Variants in KIAA1671 observed in about 807,000 individuals in gnomAD.
KIAA1671 encodes the protein KIAA1671.
Under a neutral mutation model 131.2 loss-of-function variants are expected in KIAA1671, and 52 were observed. That is an observed-to-expected ratio of 0.40 (90% confidence interval 0.32 to 0.50). KIAA1671 has a LOEUF of 0.50. Ranked by LOEUF, KIAA1671 falls within the 20% of genes least tolerant of loss-of-function variation. The pLI is 0.73. For synonymous variants in KIAA1671, 1,003 were observed against 961.6 expected (o/e 1.04, Z -0.80); for missense variants, 2,360 against 2,364.2 (o/e 1.00, Z 0.04).
intron 6 of KIAA1671, among the ~76,000 whole-genome samples, chr22:25,093,788 C>CTCTCTGTCTCTCTCTCTT (rs1568951294): frequency 1.1e-4 from 10 of 94,656 alleles, no homozygotes; most frequent in African/African-American, 1.9e-4. Flanking sequence ...CTCTCTCTCT[C>CTCTCTGTCTCTCTCTCTT]TCTCTCTCTC....
intron 1 of KIAA1671, among the ~76,000 whole-genome samples, chr22:25,016,371 C>T (rs1460594854): frequency 1.3e-5 from 2 of 152,296 alleles, no homozygotes; most frequent in African/African-American, 4.8e-5. Context: ...TCTCACAATC[C>T]AGAAAGTTGT....
In KIAA1671 at chr22:24,995,261, C is replaced by T. The variant is rs545892821; in HGVS notation, c.-207-30372C>T. Among the ~76,000 whole-genome samples, 4 of 151,998 alleles carry T rather than the reference C, an allele frequency of 2.6e-5. No homozygotes were observed. In the South Asian group the frequency reaches 6.2e-4, roughly 24 times the overall value. On this transcript the variant is annotated intron_variant, in intron 1 of 12. Coordinates refer to ENST00000358431, the MANE Select transcript of KIAA1671 (RefSeq NM_001145206.2). Reference sequence around the variant, plus strand: ...TAGAGACAGGGTTTCGCCATGTTAGCCAGGATGGTCTCGATCTCCTGACCT... The same window carrying T: ...TAGAGACAGGGTTTCGCCATGTTAGTCAGGATGGTCTCGATCTCCTGACCT...
chr22:25,161,231 C>A (rs1933433994), intron 6 of KIAA1671, among the ~76,000 whole-genome samples: 1 of 152,254 alleles, frequency 6.6e-6, no homozygotes, highest in Non-Finnish European at 1.5e-5. Flanking sequence ...AAAACAGCGA[C>A]CCCCTTGGAG....
Position 25,195,664 on chromosome 22 carries a change from G to T in KIAA1671, c.*3263G>T. 6.6e-6 allele frequency: 1 copy of T among 152,312 alleles called. No homozygotes were observed. 9.4% of individuals were successfully genotyped at this position (152,312 alleles called of 1,614,324 possible). On this transcript the variant is annotated 3_prime_UTR_variant, in exon 13 of 13. Coordinates refer to ENST00000358431, the MANE Select transcript of KIAA1671 (RefSeq NM_001145206.2). ...AAGGATTTAGAAAGACCCTTAGCAT[G>T]ATTTTCCTAAAAGAGACCTTAGCTG...
Position 25,155,438 on chromosome 22 carries a change from T to G in KIAA1671, c.4531-15382T>G, listed in dbSNP as rs185960248. Among the ~76,000 whole-genome samples, 385 of 151,496 alleles carry G rather than the reference T, an allele frequency of 2.5e-3. 3 individuals carry two copies. Among genetic ancestry groups the G allele is most frequent in the African/African-American group, 8.4e-3 (348 of 41,198 alleles). On this transcript the variant is annotated intron_variant, in intron 6 of 12. Coordinates refer to ENST00000358431, the MANE Select transcript of KIAA1671 (RefSeq NM_001145206.2). ...ATTTGTGTATGTGTGTGTGGGGGGG[T>G]TTTTGTAGGTATGCATTTGTGTATA...
At position 25,174,318 on chromosome 22, in the gene KIAA1671, C is replaced by T. The variant is rs56351192; in HGVS notation, c.4728C>T (p.Ser1576=). The change falls in exon 8 of 13, where the codon TCC becomes TCT. Residue 1576 remains serine (S), a synonymous_variant. Coordinates refer to ENST00000358431, the MANE Select transcript of KIAA1671 (RefSeq NM_001145206.2). ...CCAGCAGCCGTTTGTCTTCTCTGTC[C>T]TCCCAAACGGAGCCCACCTCGGCAG... The part of the protein sequence containing the change: ...QPPSSRLSSL[S]SQTEPTSAGD... 4,187 of 1,551,884 alleles carry T rather than the reference C, an allele frequency of 2.7e-3. 97 individuals are homozygous for T. In the African/African-American group the frequency reaches 0.047, roughly 17 times the overall value.
At chr22:25,150,272 A>T (rs554222287) in intron 6 of KIAA1671, among the ~76,000 whole-genome samples, 4 of 152,268 alleles carry the variant, frequency 2.6e-5, no homozygotes, top group Non-Finnish European at 5.9e-5. Context: ...ACCTGATGGG[A>T]GCAGCCACAG....
chr22:24,991,387 T>C (rs780317499), intron 1 of KIAA1671, among the ~76,000 whole-genome samples: 4 of 152,114 alleles, frequency 2.6e-5, no homozygotes, highest in Non-Finnish European at 5.9e-5. Flanking sequence ...CAGATCAGCT[T>C]TGTGGCTCTG....
At chr22:25,000,645 T>G (rs1183166586) in intron 1 of KIAA1671, among the ~76,000 whole-genome samples, 1 of 152,002 alleles carries the variant, frequency 6.6e-6, no homozygotes, top group Non-Finnish European at 1.5e-5. Flanking sequence ...GCCTCCCAAG[T>G]AGCTGAGATT....
chr22:25,164,375 A>G (rs1933566254), intron 6 of KIAA1671, among the ~76,000 whole-genome samples: 1 of 152,164 alleles, frequency 6.6e-6, no homozygotes, highest in African/African-American at 2.4e-5. Context: ...GGCCGACTGA[A>G]TGGACTCAGG....
At chr22:25,191,278 C>T (rs1300931921) in intron 12 of KIAA1671, among the ~76,000 whole-genome samples, 1 of 151,644 alleles carries the variant, frequency 6.6e-6, no homozygotes, top group Non-Finnish European at 1.5e-5. Context: ...GCCTCAGCCT[C>T]CTAAGTAGCT....
At chr22:25,122,825 A>T (rs147170965) in intron 6 of KIAA1671, among the ~76,000 whole-genome samples, 4 of 152,080 alleles carry the variant, frequency 2.6e-5, no homozygotes, top group Admixed American at 2.6e-4. Flanking sequence ...ACACAAAAAC[A>T]TTAGCCAGGC....
intron 6 of KIAA1671, among the ~76,000 whole-genome samples, chr22:25,150,579 C>T (rs978725496): frequency 2.0e-5 from 3 of 152,120 alleles, no homozygotes; most frequent in African/African-American, 4.8e-5. Context: ...TCTGCCTGCT[C>T]CTCACCTGGA....
chr22:25,120,031 T>C (rs1931857038), intron 6 of KIAA1671, among the ~76,000 whole-genome samples: 1 of 152,154 alleles, frequency 6.6e-6, no homozygotes, highest in South Asian at 2.1e-4. Context: ...GAATAACAAC[T>C]CTAGCTACCA....
intron 9 of KIAA1671, among the ~76,000 whole-genome samples, chr22:25,180,601 C>T (rs1284917466): frequency 4.6e-5 from 7 of 152,084 alleles, no homozygotes; most frequent in Admixed American, 2.0e-4. Context: ...CCTGCCCACT[C>T]TATGTAGACA....
intron 6 of KIAA1671, among the ~76,000 whole-genome samples, chr22:25,088,529 A>G (rs1929855376): frequency 6.6e-6 from 1 of 152,230 alleles, no homozygotes; most frequent in Non-Finnish European, 1.5e-5. Flanking sequence ...AGACACATAA[A>G]TGGATACACG....
chr22:25,050,391 G>A (rs1010931595), intron 6 of KIAA1671: 3 of 152,248 alleles, frequency 2.0e-5, no homozygotes, highest in Non-Finnish European at 4.4e-5. Flanking sequence ...CAGGGGCATC[G>A]AAGACAGGGC....
At chr22:25,131,253 G>C (rs1932427943) in intron 6 of KIAA1671, among the ~76,000 whole-genome samples, 1 of 152,186 alleles carries the variant, frequency 6.6e-6, no homozygotes, top group African/African-American at 2.4e-5. Context: ...CACACCTACA[G>C]CCTGCGAAGG....
At position 25,108,017 on chromosome 22, in the gene KIAA1671, T is replaced by C. The variant is rs1361546115; in HGVS notation, c.4530+58653T>C. Among the ~76,000 whole-genome samples, 5 of 151,946 alleles carry C rather than the reference T, an allele frequency of 3.3e-5. No individual in the cohort carries two copies. The East Asian group carries it at 9.7e-4, about 29-fold the overall frequency. ...AGCAAGACTTTGTCTCAAAAAAAAA[T>C]TATAGATATCAGTACATTTCAGCTG... On this transcript the variant is annotated intron_variant, in intron 6 of 12. Transcript: ENST00000358431.
Sources: allele counts gnomAD v4.1 joint callset (sites outside exome capture counted in the v4.1 genomes callset), GRCh38; gene constraint gnomAD v4.1.1; transcripts MANE v1.5; gene names NCBI Gene and HGNC (gene_info 2026-07-23, HGNC 2026-07-21).